Variants in CCDC33 observed in about 807,000 individuals in gnomAD.
CCDC33 encodes the protein coiled-coil domain containing 33.
Under a neutral mutation model 91.9 loss-of-function variants are expected in CCDC33, and 94 were observed. That is an observed-to-expected ratio of 1.02 (90% CI 0.87 to 1.21). CCDC33 has a LOEUF of 1.21. Among genes scored for constraint, CCDC33 ranks in the 50% most tolerant of loss-of-function variants. The pLI, the probability that CCDC33 is intolerant of heterozygous loss-of-function variation, is 0.00. For missense variants in CCDC33, 940 were observed against 935.5 expected (o/e 1.00, Z -0.06); for synonymous variants, 396 against 374.5 (o/e 1.06, Z -0.66).
intron 11 of CCDC33, among the ~76,000 whole-genome samples, chr15:74,328,595 C>T (rs2060358838): frequency 6.6e-6 from 1 of 152,224 alleles, no homozygotes. Flanking sequence ...AGACCTGGAA[C>T]TCAACAGGGG....
intron 1 of CCDC33, among the ~76,000 whole-genome samples, chr15:74,237,885 G>A (rs542398713): frequency 3.3e-5 from 5 of 152,228 alleles, no homozygotes; most frequent in East Asian, 1.9e-4. Flanking sequence ...GGTGGCTCAC[G>A]CCTGTAATCC....
intron 10 of CCDC33, among the ~76,000 whole-genome samples, chr15:74,289,768 C>G (rs776185756): frequency 2.1e-5 from 3 of 140,724 alleles, no homozygotes; most frequent in African/African-American, 7.3e-5. Flanking sequence ...GCCTGGGCAA[C>G]AGAGTGAGAA....
rs976424896 is a variant in CCDC33, at chr15:74,221,239, T to G, written c.675+2378T>G. 1.1e-5 allele frequency: 11 copies of G among 978,418 alleles called. No homozygotes were observed. The African/African-American group carries it at 1.6e-4, about 15-fold the overall frequency. 60.6% of individuals were successfully genotyped at this position (978,418 alleles called of 1,614,324 possible). ...TGGTTTTTTTTTTTTTTTTTTTTTT[T>G]TTTTCACCAGAACTGATGATGGTCA... On this transcript the variant is annotated intron_variant, in intron 2 of 2. Transcript: ENST00000635913.
chr15:74,220,525 C>T (rs1404213459), intron 2 of CCDC33, among the ~76,000 whole-genome samples: 1 of 152,180 alleles, frequency 6.6e-6, no homozygotes, highest in Non-Finnish European at 1.5e-5. Context: ...CTCCAGGTCC[C>T]AGAGTGCCCT....
At chr15:74,249,208 C>T (rs571525931) in intron 2 of CCDC33, among the ~76,000 whole-genome samples, 1 of 152,160 alleles carries the variant, frequency 6.6e-6, no homozygotes, top group African/African-American at 2.4e-5. Flanking sequence ...TACTTGAGGC[C>T]GGGTGCAGCG....
intron 4 of CCDC33, among the ~76,000 whole-genome samples, chr15:74,267,354 T>C (rs561552531): frequency 2.3e-4 from 35 of 152,080 alleles, no homozygotes; most frequent in African/African-American, 8.4e-4. Context: ...CCCAGGAGAG[T>C]TGGGGGGTAC....
At chr15:74,257,204 G>C (rs1004663838) in intron 2 of CCDC33, among the ~76,000 whole-genome samples, 4 of 152,192 alleles carry the variant, frequency 2.6e-5, no homozygotes, top group Admixed American at 6.5e-5. Context: ...ATGAAACCCA[G>C]GATGAGAGTC....
chr15:74,229,553 A>G (rs1440179254), intron 2 of CCDC33, among the ~76,000 whole-genome samples: 1 of 152,242 alleles, frequency 6.6e-6, no homozygotes, highest in Non-Finnish European at 1.5e-5. Context: ...CTCATATGTC[A>G]TTGTGAGGAC....
At chr15:74,333,843 C>T in intron 16 of CCDC33, 38 bp from the exon 17 acceptor site, 1 of 1,552,140 alleles carries the variant, frequency 6.4e-7, no homozygotes, top group Middle Eastern at 1.7e-4. Flanking sequence ...CCACAGCCTC[C>T]AGCTGGGGCC....
intron 2 of CCDC33, among the ~76,000 whole-genome samples, chr15:74,222,469 G>T (rs1004051828): frequency 6.6e-6 from 1 of 151,466 alleles, no homozygotes; most frequent in Non-Finnish European, 1.5e-5. Flanking sequence ...TCATAGAAAC[G>T]ATTTCGTTTC....
chr15:74,245,696 C>G (rs924071694), intron 2 of CCDC33, among the ~76,000 whole-genome samples: 19 of 151,666 alleles, frequency 1.3e-4, no homozygotes, highest in African/African-American at 4.6e-4. Context: ...GTTCGGAGAG[C>G]CGGGCACACC....
At chr15:74,214,553 T>G (rs2074395547), upstream of CCDC33, among the ~76,000 whole-genome samples, 1 of 152,194 alleles carries the variant, frequency 6.6e-6, no homozygotes, top group Admixed American at 6.5e-5. Context: ...GGCCCTGGGC[T>G]CAGTTTCTTC....
Position 74,242,990 on chromosome 15 carries a change from T to G in CCDC33, c.22-995T>G, listed in dbSNP as rs531392703. ...CCCTTTAAGGCCTCCTCCTCCCTGC[T>G]GTCTTCCCTGACCGCCTCAGCCGGC... On this transcript the variant is annotated intron_variant, in intron 1 of 18. Transcript: ENST00000398814. Among the ~76,000 whole-genome samples, 4 of 152,342 alleles carry G rather than the reference T, an allele frequency of 2.6e-5. 1 individual carries two copies. Among genetic ancestry groups the G allele is most frequent in the African/African-American group, 9.6e-5 (4 of 41,582 alleles).
chr15:74,209,386 A>G, intron 1 of CCDC33: 3 of 1,535,518 alleles, frequency 2.0e-6, no homozygotes. Flanking sequence ...CATCACTCCC[A>G]GGGGGCCACT....
At position 74,331,214 on chromosome 15, in the gene CCDC33, G is replaced by A; in HGVS notation, c.1689G>A (p.Lys563=). 1 of 1,614,224 alleles carries A rather than the reference G, an allele frequency of 6.2e-7. No individual in the cohort carries two copies. The highest frequency in any genetic ancestry group is 8.5e-7 in the Non-Finnish European group (1 of 1,180,020). ...GCTCTGCTCTCCAGGTGATCGAGAA[G>A]ATGGAGCGGGTGCTGGAGGACAGGC... ...TVRHQEKVIE[K]MERVLEDRLQ... The change falls in exon 15 of 19, where the codon AAG becomes AAA. Residue 563 remains lysine (K), a synonymous_variant. Coordinates refer to ENST00000398814, the MANE Select transcript of CCDC33 (RefSeq NM_025055.5).
downstream of CCDC33, chr15:74,336,214 G>A (rs1188467491): frequency 2.1e-6 from 3 of 1,434,414 alleles, no homozygotes; most frequent in Admixed American, 7.9e-5. Context: ...CTCTGGGCCT[G>A]GGCCTGGGTC....
At chr15:74,248,464 T>C (rs1352481890) in intron 2 of CCDC33, among the ~76,000 whole-genome samples, 1 of 152,098 alleles carries the variant, frequency 6.6e-6, no homozygotes, top group Non-Finnish European at 1.5e-5. Flanking sequence ...AGGTTGGGGA[T>C]GGATATCCTG....
intron 1 of CCDC33, chr15:74,217,708 A>T (rs2074482897): frequency 1.3e-6 from 1 of 741,662 alleles, no homozygotes; most frequent in Admixed American, 4.4e-5. Context: ...ACTGCATCCC[A>T]AAGCTCTGCC....
chr15:74,235,074 T>C (rs2075105670), upstream of CCDC33, among the ~76,000 whole-genome samples: 1 of 152,128 alleles, frequency 6.6e-6, no homozygotes. Context: ...ATACACACTG[T>C]GCTGGGACAT....
Sources: allele counts gnomAD v4.1 joint callset (sites outside exome capture counted in the v4.1 genomes callset), GRCh38; gene constraint gnomAD v4.1.1; transcripts MANE v1.5; gene names NCBI Gene and HGNC (gene_info 2026-07-23, HGNC 2026-07-21).